Variants in AKT2 observed in about 807,000 individuals in gnomAD.
AKT2 encodes the protein AKT serine/threonine kinase 2.
A neutral mutation model predicts 58.6 loss-of-function variants in AKT2; 16 were observed. The ratio of observed to expected loss-of-function variants is 0.27; its 90% confidence interval spans 0.18 to 0.41. The LOEUF (loss-of-function observed/expected upper bound fraction) is 0.41. AKT2 is among the 10% of genes least tolerant of loss of function. The pLI, the probability that AKT2 is intolerant of heterozygous loss-of-function variation, is 1.00. For synonymous variants in AKT2, 253 were observed against 254.0 expected (o/e 1.00, Z 0.04); for missense variants, 438 against 661.0 (o/e 0.66, Z 3.70).
Position 40,233,457 on chromosome 19 carries a change from C to A in AKT2, c.*415G>T, listed in dbSNP as rs528536242. The A allele has an allele frequency of 9.3e-5, 49 of 524,404 alleles. 1 individual carries two copies. In the East Asian group the frequency reaches 1.6e-3, roughly 17 times the overall value. 32.5% of individuals were successfully genotyped at this position (524,404 alleles called of 1,614,324 possible). A position where few individuals can be genotyped will look rare whatever the true frequency, so the allele number is the denominator to read the frequency against. ...GCCTGGAAGGCAGCACCACTGTCTG[C>A]CGGGTGTCGCGTCCCACCAGAAGGC... On this transcript the variant is annotated 3_prime_UTR_variant, in exon 14 of 14. Coordinates refer to ENST00000392038, the MANE Select transcript of AKT2 (RefSeq NM_001626.6). The surrounding 1 kb of genome is among the most constrained non-coding windows in gnomAD (Gnocchi z 4.3).
intron 4 of AKT2, among the ~76,000 whole-genome samples, chr19:40,254,063 G>C (rs558137707): frequency 1.3e-5 from 2 of 152,120 alleles, no homozygotes; most frequent in Admixed American, 1.3e-4. Context: ...GATTAACTGG[G>C]GGGCAGGGAG....
At chr19:40,243,594 A>C (rs1222182421) in intron 4 of AKT2, 1 of 152,182 alleles carries the variant, frequency 6.6e-6, no homozygotes, top group East Asian at 1.9e-4. Flanking sequence ...TGGTTTAAGA[A>C]CAGTTAACTA....
In AKT2 at chr19:40,233,847, T is replaced by C. The variant is rs756701274; in HGVS notation, c.*25A>G. The C allele has an allele frequency of 6.2e-7, 1 of 1,606,994 alleles. No individual in the cohort carries two copies. Among genetic ancestry groups the C allele is most frequent in the East Asian group, 2.2e-5 (1 of 44,874 alleles). On this transcript the variant is annotated 3_prime_UTR_variant, in exon 14 of 14. Coordinates refer to ENST00000392038, the MANE Select transcript of AKT2 (RefSeq NM_001626.6). The surrounding 1 kb of genome is among the most constrained non-coding windows in gnomAD (Gnocchi z 4.3). The stretch of plus-strand genomic sequence containing the variant: ...CACCCAGCGGTGATGGCAGCGAGCG[T>C]GCGTCCTCTGCGTGGGCAGACTGCT...
In AKT2 at chr19:40,261,782, G is replaced by A. The variant is rs1399310568; in HGVS notation, c.46+3440C>T. 2.6e-5 allele frequency among the ~76,000 whole-genome samples: 4 copies of A among 152,014 alleles called. No homozygotes were observed. The East Asian group carries it at 7.7e-4, about 29-fold the overall frequency. On this transcript the variant is annotated intron_variant, in intron 2 of 13. Transcript: ENST00000392038. ...CTTAATGGGTACAAAGTTTTATTTTGGGGTAATGAAAAGGTTTTGAAACTA... is the reference window on the plus strand; with the variant it reads ...CTTAATGGGTACAAAGTTTTATTTTAGGGTAATGAAAAGGTTTTGAAACTA...
rs192022571 is a variant in AKT2 at position 40,238,242 on chromosome 19, G to A, written c.709-151C>T. 8.2e-5 allele frequency: 91 copies of A among 1,113,628 alleles called. No homozygotes were observed. The East Asian group carries it at 9.7e-4, about 12-fold the overall frequency. The allele number at this position is 1,113,628 out of a possible 1,614,324, so 69.0% of individuals were successfully genotyped here. On this transcript the variant is annotated intron_variant, in intron 8 of 13. Transcript: ENST00000392038. The surrounding 1 kb of genome is among the most constrained non-coding windows in gnomAD (Gnocchi z 5.1). ...CTAGAGGGACCAATCAAGGCAGAGC[G>A]CAGAAGCTCATAAGTGACACAGAGC...
At chr19:40,257,171 G>A (rs775706359) in intron 2 of AKT2, 117 bp from the exon 3 acceptor site, 280 of 1,363,900 alleles carry the variant, frequency 2.1e-4, no homozygotes, top group Non-Finnish European at 2.8e-4. Flanking sequence ...GGGGCGGGGA[G>A]GTGCGGGGGA....
At chr19:40,261,441 G>A (rs1160751997) in intron 2 of AKT2, among the ~76,000 whole-genome samples, 2 of 151,592 alleles carry the variant, frequency 1.3e-5, no homozygotes, top group East Asian at 1.9e-4. Flanking sequence ...GCTGAAGCAG[G>A]AGAATTCCTT....
intron 1 of AKT2, chr19:40,282,393 C>T: frequency 2.3e-6 from 1 of 428,166 alleles, no homozygotes; most frequent in South Asian, 1.7e-5. Flanking sequence ...TCCCTGGTAG[C>T]TGTGTCACCC....
At chr19:40,253,088 T>A (rs1408449862) in intron 4 of AKT2, among the ~76,000 whole-genome samples, 1 of 152,242 alleles carries the variant, frequency 6.6e-6, no homozygotes, top group Admixed American at 6.5e-5. Flanking sequence ...TATGTGGCTC[T>A]TTAAATCAAT....
chr19:40,236,592 TG>T (rs1974045404), intron 9 of AKT2: 1 of 634,198 alleles, frequency 1.6e-6, no homozygotes, highest in Admixed American at 2.5e-5. Flanking sequence ...CCATGGTACC[TG>T]GGAACAGCTG....
At chr19:40,240,316 G>T (rs761219653) in intron 6 of AKT2, 1 of 752,402 alleles carries the variant, frequency 1.3e-6, no homozygotes, top group African/African-American at 1.7e-5. Context: ...AAAGCCACAG[G>T]TGAAAAGTCA....
chr19:40,239,633 A>T (rs538951106), intron 7 of AKT2: 22 of 364,972 alleles, frequency 6.0e-5, no homozygotes, highest in Non-Finnish European at 1.1e-4. Context: ...CTGCAGCCCA[A>T]ACAGGCATCT....
At chr19:40,252,206 G>A (rs1975208308) in intron 4 of AKT2, among the ~76,000 whole-genome samples, 1 of 152,206 alleles carries the variant, frequency 6.6e-6, no homozygotes, top group African/African-American at 2.4e-5. Context: ...GACAGCATCA[G>A]TCAGCCAGGA....
chr19:40,255,273 C>G lies in AKT2; in HGVS notation c.176-4G>C, dbSNP rs777417874. ...TCGGTCTTCATCAGCTGGCATTCTG[C>G]AGGCAGAGGGAACAGACAGCAGGGG... On this transcript the variant is annotated splice_region_variant and splice_polypyrimidine_tract_variant and intron_variant, in intron 3 of 13. Transcript: ENST00000392038. The G allele has an allele frequency of 1.2e-6, 2 of 1,612,832 alleles. No individual in the cohort carries two copies. The highest frequency in any genetic ancestry group is 1.7e-5 in the Admixed American group (1 of 60,008).
chr19:40,261,605 G>A (rs934549755), intron 2 of AKT2, among the ~76,000 whole-genome samples: 5 of 151,114 alleles, frequency 3.3e-5, no homozygotes, highest in Admixed American at 2.0e-4. Flanking sequence ...ACCATGGGAC[G>A]TGTGACAAGA....
rs3730052 is a variant in AKT2, at chr19:40,238,641, C to T, written c.708+264G>A. 0.11 allele frequency among the ~76,000 whole-genome samples: 17,379 copies of T among 152,140 alleles called. 1,431 individuals carry two copies. Among genetic ancestry groups the T allele is most frequent in the African/African-American group, 0.23 (9,512 of 41,456 alleles). On this transcript the variant is annotated intron_variant, in intron 8 of 13. Coordinates refer to ENST00000392038, the MANE Select transcript of AKT2 (RefSeq NM_001626.6). This position sits in a 1 kb window ranked among gnomAD's most constrained non-coding sequence, Gnocchi z 5.1. ...CCTTCCCAGTGCTATCGCCCCACAG[C>T]CCTCTCCACACCTCTCTGGACTGGT... is the stretch of plus-strand genomic sequence containing the variant.
At chr19:40,264,839 A>G (rs894806451) in intron 2 of AKT2, among the ~76,000 whole-genome samples, 3 of 152,010 alleles carry the variant, frequency 2.0e-5, no homozygotes, top group Non-Finnish European at 4.4e-5. Flanking sequence ...TGTAAGCTCC[A>G]TCAGGGGACC....
Position 40,240,075 on chromosome 19 carries a change from G to C in AKT2, c.609C>G (p.Val203=). The C allele has an allele frequency of 6.2e-7, 1 of 1,614,066 alleles. No homozygotes were observed. The highest frequency in any genetic ancestry group is 8.5e-7 in the Non-Finnish European group (1 of 1,180,026). The part of the protein sequence containing the change: ...EVAHTVTESR[V]LQNTRHPFLT... ...GGAACGGGTGCCTGGTGTTCTGGAG[G>C]ACCCGGCTCTCGGTGACTGTGTGAG... Residue 203 remains valine (V), a synonymous_variant, in exon 7 of 14, where the codon GTC becomes GTG. Coordinates refer to ENST00000392038, the MANE Select transcript of AKT2 (RefSeq NM_001626.6).
intron 2 of AKT2, 97 bp downstream of exon 2, chr19:40,265,125 G>T: frequency 6.5e-7 from 1 of 1,536,030 alleles, no homozygotes. Context: ...TGGCTCCTCA[G>T]GCTGGTAAGA....
Sources: gnomAD v4.1 joint callset for allele counts (sites outside exome capture counted in the v4.1 genomes callset) on GRCh38, gnomAD v4.1.1 for gene constraint, Gnocchi (gnomAD v3.1) non-coding constraint, MANE v1.5 for transcripts, NCBI Gene and HGNC (gene_info 2026-07-23, HGNC 2026-07-21) for gene names.